Variants in ATP11C observed in about 807,000 individuals in gnomAD.
ATP11C encodes the protein ATPase phospholipid transporting 11C (ATP11C blood group).
Under a neutral mutation model 97.4 loss-of-function variants are expected in ATP11C, and 36 were observed. The ratio of observed to expected loss-of-function variants is 0.37; its 90% CI spans 0.28 to 0.49. The LOEUF (loss-of-function observed/expected upper bound fraction) is 0.49. Ranked by LOEUF, ATP11C falls within the 20% of genes least tolerant of loss-of-function variation. The pLI, the probability that ATP11C is intolerant of heterozygous loss-of-function variation, is 0.98. For synonymous variants in ATP11C, 275 were observed against 290.9 expected (o/e 0.95, Z 0.56); for missense variants, 730 against 824.6 (o/e 0.89, Z 1.40).
chrX:139,780,717 G>A, intron 18 of ATP11C, among the ~76,000 whole-genome samples: 1 of 111,841 alleles, frequency 8.9e-6, no homozygotes, highest in South Asian at 3.7e-4. Flanking sequence ...GAGCAATCAG[G>A]CAAGATTGCT....
intron 1 of ATP11C, among the ~76,000 whole-genome samples, chrX:139,908,584 T>C (rs1242559350): frequency 8.9e-6 from 1 of 112,329 alleles, no homozygotes; most frequent in Non-Finnish European, 1.9e-5. Flanking sequence ...ACTAAAGATG[T>C]TGCATGTTTA....
intron 28 of ATP11C, 50 bp from the exon 29 acceptor site, chrX:139,731,805 T>G: frequency 3.3e-5 from 26 of 796,320 alleles, no homozygotes; most frequent in Non-Finnish European, 4.0e-5. Context: ...TTGGTTAACC[T>G]ACCTGGTGAT....
chrX:139,765,603 G>T (rs986470789), intron 20 of ATP11C, among the ~76,000 whole-genome samples: 1 of 111,984 alleles, frequency 8.9e-6, no homozygotes, highest in Non-Finnish European at 1.9e-5. Flanking sequence ...AGAAAGAAAG[G>T]AGTATTCCAG....
intron 1 of ATP11C, among the ~76,000 whole-genome samples, chrX:139,849,860 T>C (rs2147949572): frequency 8.9e-6 from 1 of 112,127 alleles, no homozygotes; most frequent in South Asian, 3.7e-4. Flanking sequence ...AGTGGGTTGG[T>C]TATCATGAGA....
In ATP11C at chrX:139,817,567, A is replaced by G. The variant is rs182856413; in HGVS notation, c.238-624T>C. 3.1e-3 allele frequency among the ~76,000 whole-genome samples: 347 copies of G among 112,518 alleles called. 2 individuals are homozygous for G. The highest frequency in any genetic ancestry group is 0.023 in the South Asian group (64 of 2,742). ...TCCCACAAATAGCAGGAAATCCTTG[A>G]AAGTTTTAAGCAAGGAAAGGTCACA... On this transcript the variant is annotated intron_variant, in intron 3 of 29. Coordinates refer to ENST00000682941, the MANE Select transcript of ATP11C (RefSeq NM_001353812.2).
intron 19 of ATP11C, among the ~76,000 whole-genome samples, chrX:139,771,021 T>G (rs1048024267): frequency 4.5e-5 from 5 of 111,661 alleles, no homozygotes; most frequent in African/African-American, 1.3e-4. Flanking sequence ...TGTTGTGGTA[T>G]TAGGAGGTGG....
intron 1 of ATP11C, among the ~76,000 whole-genome samples, chrX:139,911,006 T>C (rs1422312032): frequency 1.8e-5 from 2 of 111,174 alleles, no homozygotes; most frequent in African/African-American, 6.5e-5. Context: ...AAAAATAATT[T>C]GCAAAATGTT....
chrX:139,892,092 T>G (rs760337709), intron 1 of ATP11C, among the ~76,000 whole-genome samples: 1 of 111,659 alleles, frequency 9.0e-6, no homozygotes, highest in East Asian at 2.8e-4. Flanking sequence ...CCTGACCTCA[T>G]GTGATCTGCC....
Position 139,802,300 on chromosome X carries a change from C to T in ATP11C, c.595G>A (p.Ala199Thr), listed in dbSNP as rs769113317. ...AVRDTIALCTAESIDTLRAAI... is the reference protein window; with the variant it reads ...AVRDTIALCTTESIDTLRAAI... ...GCTCGGAGGGTATCGATGGATTCTG[C>T]TGTACACAGTGCAATGGTATCACGT... The change falls in exon 7 of 30, where the codon GCA (alanine) becomes ACA (threonine). Residue 199 changes from alanine (A) to threonine (T), a missense_variant. Ala to Thr is a moderately conservative substitution (Grantham distance 58). Transcript: ENST00000682941. The T allele has an allele frequency of 5.0e-6, 6 of 1,205,901 alleles. No homozygotes were observed. The highest frequency in any genetic ancestry group is 6.7e-6 in the Non-Finnish European group (6 of 891,442).
chrX:139,867,725 G>A (rs1186905423), intron 1 of ATP11C, among the ~76,000 whole-genome samples: 1 of 112,194 alleles, frequency 8.9e-6, no homozygotes, highest in Non-Finnish European at 1.9e-5. Context: ...AGAGCAGCTA[G>A]CATGCGCAAA....
At chrX:139,776,057 G>A (rs1296980227) in intron 18 of ATP11C, among the ~76,000 whole-genome samples, 1 of 111,966 alleles carries the variant, frequency 8.9e-6, no homozygotes, top group Non-Finnish European at 1.9e-5. Flanking sequence ...GGCCCTCCTG[G>A]GACAAAAGAA....
intron 1 of ATP11C, among the ~76,000 whole-genome samples, chrX:139,884,535 C>T (rs2084609723): frequency 1.8e-5 from 2 of 111,800 alleles, no homozygotes; most frequent in South Asian, 7.4e-4. Context: ...GTTGCCCAGG[C>T]TGGTCTTGAA....
intron 1 of ATP11C, among the ~76,000 whole-genome samples, chrX:139,903,953 CAG>C (rs1364304252): frequency 1.8e-5 from 2 of 111,309 alleles, no homozygotes; most frequent in East Asian, 2.8e-4. Flanking sequence ...AGGCCCTACC[CAG>C]AGTTTCTGGG....
intron 1 of ATP11C, among the ~76,000 whole-genome samples, chrX:139,873,474 G>A (rs925343752): frequency 9.0e-6 from 1 of 110,629 alleles, no homozygotes; most frequent in Non-Finnish European, 1.9e-5. Flanking sequence ...TTGGGAGGCT[G>A]AGGCAGGCGG....
rs754371113 is a variant in ATP11C at position 139,799,644 on chromosome X, CTTTTTTTTTTTT to C, written c.710+404_710+415del. 1.9e-3 allele frequency among the ~76,000 whole-genome samples: 113 copies of C among 60,369 alleles called. 1 individual carries two copies. The highest frequency in any genetic ancestry group is 2.7e-3 in the Non-Finnish European group (98 of 36,392). The allele number at this position is 60,369 out of a possible 115,157, so 52.4% of individuals were successfully genotyped here. A position where few individuals can be genotyped will look rare whatever the true frequency, so the allele number is the denominator to read the frequency against. ...TAGTTGCTTATTCACCTTTATATTC[CTTTTTTTTTTTT>C]TTTTTTTTTTTTTGAGATGGAGTCT... On this transcript the variant is annotated intron_variant, in intron 8 of 29. Transcript: ENST00000682941.
At chrX:139,732,331 A>AG (rs2081361831) in intron 28 of ATP11C, 1 of 226,725 alleles carries the variant, frequency 4.4e-6, no homozygotes, top group Non-Finnish European at 8.5e-6. Flanking sequence ...CATCAATAGA[A>AG]GATATAAAAT....
At chrX:139,846,083 A>G (rs1284364562) in intron 1 of ATP11C, among the ~76,000 whole-genome samples, 1 of 112,076 alleles carries the variant, frequency 8.9e-6, no homozygotes, top group Non-Finnish European at 1.9e-5. Flanking sequence ...GAAAAGTTGC[A>G]ATAAAGGGCC....
intron 1 of ATP11C, among the ~76,000 whole-genome samples, chrX:139,895,990 A>T (rs2084799553): frequency 9.0e-6 from 1 of 111,667 alleles, no homozygotes. Flanking sequence ...TAGAAGAAAT[A>T]AGACCTAGTG....
At chrX:139,846,305 CTT>C (rs1005975004) in intron 1 of ATP11C, among the ~76,000 whole-genome samples, 17 of 112,000 alleles carry the variant, frequency 1.5e-4, no homozygotes, top group African/African-American at 5.2e-4. Flanking sequence ...AATTATAAGA[CTT>C]TGTGGTATCA....
Sources: allele counts gnomAD v4.1 joint callset (sites outside exome capture counted in the v4.1 genomes callset), GRCh38; gene constraint gnomAD v4.1.1; transcripts MANE v1.5; gene names NCBI Gene and HGNC (gene_info 2026-07-23, HGNC 2026-07-21).